FEZ1: variants seen among roughly 807,000 people sequenced by gnomAD.
FEZ1 encodes the protein fasciculation and elongation protein zeta 1.
In FEZ1, 20 loss-of-function variants were observed where a neutral mutation model predicts 49.3. That is an observed-to-expected ratio of 0.41 (90% CI 0.29 to 0.59). The LOEUF (loss-of-function observed/expected upper bound fraction) is 0.59, where lower values mean the gene tolerates loss of function less well. FEZ1 is among the 20% of genes least tolerant of loss of function. The pLI is 0.36. For missense variants in FEZ1, 413 were observed against 476.0 expected (o/e 0.87, Z 1.23); for synonymous variants, 170 against 180.9 (o/e 0.94, Z 0.48).
intron 3 of FEZ1, among the ~76,000 whole-genome samples, chr11:125,465,231 C>G (rs977819583): frequency 6.6e-6 from 1 of 152,070 alleles, no homozygotes; most frequent in Non-Finnish European, 1.5e-5. Flanking sequence ...GTGGTGGGCA[C>G]TAAGTCTATA....
At chr11:125,460,358 G>C (rs915292758) in intron 5 of FEZ1, 140 bp downstream of exon 5, 5 of 626,500 alleles carry the variant, frequency 8.0e-6, no homozygotes, top group Non-Finnish European at 1.3e-5. Flanking sequence ...AGTAAGAAAG[G>C]TATTGCTGAC....
At chr11:125,474,307 G>C (rs1187992506) in intron 3 of FEZ1, among the ~76,000 whole-genome samples, 1 of 150,994 alleles carries the variant, frequency 6.6e-6, no homozygotes, top group Non-Finnish European at 1.5e-5. Flanking sequence ...CAAAGTGCTG[G>C]GATTACAGAC....
At chr11:125,488,137 A>G (rs943983475) in intron 2 of FEZ1, among the ~76,000 whole-genome samples, 2 of 152,206 alleles carry the variant, frequency 1.3e-5, no homozygotes, top group Admixed American at 1.3e-4. Flanking sequence ...TTGCTTTCCC[A>G]GGGCTCGGTT....
chr11:125,468,677 A>G (rs988561531), intron 3 of FEZ1, among the ~76,000 whole-genome samples: 2 of 152,154 alleles, frequency 1.3e-5, no homozygotes, highest in Admixed American at 6.5e-5. Context: ...AGCAAGAGAA[A>G]TGCCAGAAAA....
chr11:125,457,423 AAAAAAAATATATAT>A (rs1957022718), intron 5 of FEZ1, among the ~76,000 whole-genome samples: 1 of 37,606 alleles, frequency 2.7e-5, no homozygotes, highest in African/African-American at 9.4e-5. Context: ...AAAAAAAAAA[AAAAAAAATATATAT>A]ATATATATAT....
rs2135750269 is a variant in FEZ1, at chr11:125,460,555, G to T, written c.610C>A (p.Leu204Ile). 6.2e-7 allele frequency: 1 copy of T among 1,614,136 alleles called. No homozygotes were observed. Among genetic ancestry groups the T allele is most frequent in the South Asian group, 1.1e-5 (1 of 91,082 alleles). Reference sequence around the variant, plus strand: ...GTCAATGCCTGCATCTCCTGCAGGAGGACCGAGTCTGCCTGGGAGGAAGTT... The same window carrying T: ...GTCAATGCCTGCATCTCCTGCAGGATGACCGAGTCTGCCTGGGAGGAAGTT... The part of the protein sequence containing the change: ...GETSSQADSV[L>I]LQEMQALTQT... The change falls in exon 5 of 10, where the codon CTC (leucine) becomes ATC (isoleucine). Residue 204 changes from leucine to isoleucine, a missense_variant. Coordinates refer to ENST00000278919, the MANE Select transcript of FEZ1 (RefSeq NM_005103.5).
chr11:125,469,576 T>G (rs1458609540), intron 3 of FEZ1, among the ~76,000 whole-genome samples: 1 of 152,012 alleles, frequency 6.6e-6, no homozygotes, highest in Non-Finnish European at 1.5e-5. Context: ...AAAATTAATG[T>G]TTTTAGAGAC....
chr11:125,493,386 GAAAGAAAGA>G (rs1957406922), intron 1 of FEZ1, among the ~76,000 whole-genome samples: 1 of 50,048 alleles, frequency 2.0e-5, no homozygotes, highest in Admixed American at 2.4e-4. Flanking sequence ...AAGAAAGAAA[GAAAGAAAGA>G]AAGAAAGAAA....
At chr11:125,484,532 G>A (rs1957310385) in intron 2 of FEZ1, among the ~76,000 whole-genome samples, 1 of 151,554 alleles carries the variant, frequency 6.6e-6, no homozygotes, top group Non-Finnish European at 1.5e-5. Flanking sequence ...GCTGGGCGTG[G>A]TGGCCCACAC....
rs776394909 is a variant in FEZ1, at chr11:125,448,603, A to G, written c.1097-36T>C. On this transcript the variant is annotated intron_variant, in intron 8 of 9. Coordinates refer to ENST00000278919, the MANE Select transcript of FEZ1 (RefSeq NM_005103.5). ...AGACAGAGAGAGGAACTAAGATACC[A>G]TCTGGTCAGAGGTTCACTTCTAGGG... 2.8e-6 allele frequency: 4 copies of G among 1,413,672 alleles called. No individual in the cohort carries two copies. The Admixed American group carries it at 6.7e-5, about 24-fold the overall frequency. 87.6% of individuals were successfully genotyped at this position (1,413,672 alleles called of 1,614,324 possible). A position where few individuals can be genotyped will look rare whatever the true frequency, so the allele number is the denominator to read the frequency against.
At chr11:125,462,032 A>C (rs1370659432) in intron 4 of FEZ1, among the ~76,000 whole-genome samples, 1 of 152,206 alleles carries the variant, frequency 6.6e-6, no homozygotes, top group African/African-American at 2.4e-5. Flanking sequence ...AGATCCTCCT[A>C]CAAGTCACAA....
At chr11:125,488,754 A>T in intron 2 of FEZ1, 1 of 985,396 alleles carries the variant, frequency 1.0e-6, no homozygotes, top group Non-Finnish European at 1.2e-6. Context: ...ATTTTTACTA[A>T]ATGCCTAAGA....
At chr11:125,455,784 G>A in intron 6 of FEZ1, 51 bp downstream of exon 6, 1 of 1,597,372 alleles carries the variant, frequency 6.3e-7, no homozygotes, top group Non-Finnish European at 8.6e-7. Context: ...ACTGAAACGG[G>A]CAGGGTTGGA....
At chr11:125,478,778 T>G (rs1957254771) in intron 3 of FEZ1, among the ~76,000 whole-genome samples, 1 of 152,236 alleles carries the variant, frequency 6.6e-6, no homozygotes, top group Non-Finnish European at 1.5e-5. Flanking sequence ...TCATTCAGTT[T>G]GCCCTGAAAT....
intron 4 of FEZ1, among the ~76,000 whole-genome samples, chr11:125,462,080 T>C (rs1957080768): frequency 6.6e-6 from 1 of 152,224 alleles, no homozygotes; most frequent in Admixed American, 6.5e-5. Context: ...AATCTGGTTC[T>C]CTTCAGTCTC....
At chr11:125,486,932 C>T (rs574158998) in intron 2 of FEZ1, among the ~76,000 whole-genome samples, 1 of 152,270 alleles carries the variant, frequency 6.6e-6, no homozygotes, top group South Asian at 2.1e-4. Context: ...GAACTGAATG[C>T]CTAGAAAGTG....
intron 8 of FEZ1, among the ~76,000 whole-genome samples, chr11:125,451,078 T>A (rs528595807): frequency 1.1e-4 from 17 of 152,346 alleles, no homozygotes; most frequent in Admixed American, 4.6e-4. Context: ...AGCTATTTAT[T>A]TTTTTGAGCT....
chr11:125,447,392 T>C (rs1956907941), intron 9 of FEZ1, among the ~76,000 whole-genome samples: 1 of 152,244 alleles, frequency 6.6e-6, no homozygotes, highest in African/African-American at 2.4e-5. Context: ...GGGGAACCTA[T>C]ATACATCAAA....
rs1591575332 is a variant in FEZ1 at position 125,444,158 on chromosome 11, C to T, written c.*1937G>A. Among the ~76,000 whole-genome samples the T allele has an allele frequency of 6.6e-6, 1 of 152,134 alleles. No individual in the cohort carries two copies. The highest frequency in any genetic ancestry group is 2.4e-5 in the African/African-American group (1 of 41,436). ...TGTCACTTCCATGCTCCTGTGGCAGCCGGGGCTCTATCTATGGAGAAGCTC... is the reference window on the plus strand; with the variant it reads ...TGTCACTTCCATGCTCCTGTGGCAGTCGGGGCTCTATCTATGGAGAAGCTC... On this transcript the variant is annotated 3_prime_UTR_variant, in exon 10 of 10. Coordinates refer to ENST00000278919, the MANE Select transcript of FEZ1 (RefSeq NM_005103.5).
Sources: allele counts gnomAD v4.1 joint callset (sites outside exome capture counted in the v4.1 genomes callset), GRCh38; gene constraint gnomAD v4.1.1; transcripts MANE v1.5; gene names NCBI Gene and HGNC (gene_info 2026-07-23, HGNC 2026-07-21).